Variants in NVL observed in about 807,000 individuals in gnomAD.
NVL encodes the protein nuclear valosin-containing protein-like.
A neutral mutation model predicts 110.2 loss-of-function variants in NVL; 84 were observed. That is an observed-to-expected ratio of 0.76 (90% CI 0.64 to 0.91). The LOEUF is 0.91. NVL is among the 40% of genes least tolerant of loss of function. The pLI is 0.00. For synonymous variants in NVL, 354 were observed against 361.1 expected (o/e 0.98, Z 0.22); for missense variants, 882 against 1,035.9 (o/e 0.85, Z 2.04).
intron 18 of NVL, among the ~76,000 whole-genome samples, chr1:224,261,216 G>C (rs117969617): frequency 6.6e-6 from 1 of 151,608 alleles, no homozygotes; most frequent in Non-Finnish European, 1.5e-5. Flanking sequence ...TTGTTGCCCA[G>C]GCTAATCTTG....
chr1:224,306,338 C>T (rs1043748920), intron 6 of NVL, among the ~76,000 whole-genome samples: 1 of 152,206 alleles, frequency 6.6e-6, no homozygotes, highest in Middle Eastern at 3.4e-3. Flanking sequence ...ACGATCTCAG[C>T]GCACTGCAAG....
At chr1:224,231,125 T>A in intron 22 of NVL, 101 bp downstream of exon 22, 1 of 770,368 alleles carries the variant, frequency 1.3e-6, no homozygotes, top group African/African-American at 1.8e-5. Context: ...AGAGCAAGAC[T>A]CCGTCTCAAA....
intron 2 of NVL, among the ~76,000 whole-genome samples, chr1:224,318,708 G>A (rs112723833): frequency 7.9e-5 from 12 of 151,984 alleles, no homozygotes; most frequent in African/African-American, 2.4e-4. Flanking sequence ...CTGCAGCCAG[G>A]TGCGGTGGCT....
intron 9 of NVL, among the ~76,000 whole-genome samples, chr1:224,301,098 C>A (rs1668357306): frequency 6.8e-6 from 1 of 147,370 alleles, no homozygotes; most frequent in Non-Finnish European, 1.5e-5. Flanking sequence ...AAGAGCAAAA[C>A]TCCATCTCAA....
intron 17 of NVL, among the ~76,000 whole-genome samples, chr1:224,273,188 G>C (rs75295270): frequency 0.04 from 6,134 of 152,152 alleles, 166 homozygotes; most frequent in East Asian, 0.098. Flanking sequence ...CGAGGATGGT[G>C]GATCACTTGA....
chr1:224,260,699 C>CTTT (rs940200696), intron 18 of NVL, among the ~76,000 whole-genome samples: 19 of 126,330 alleles, frequency 1.5e-4, no homozygotes, highest in African/African-American at 3.2e-4. Flanking sequence ...TCTTCTTTTC[C>CTTT]TTTTTTTTTT....
Position 224,296,576 on chromosome 1 carries a change from T to C in NVL, c.1105A>G (p.Ile369Val), listed in dbSNP as rs199859247. 46 of 1,602,276 alleles carry C rather than the reference T, an allele frequency of 2.9e-5. No homozygotes were observed. The East Asian group carries it at 8.3e-4, about 29-fold the overall frequency. ...CIIFIDEIDAITPKREVASKD... is the reference protein window; with the variant it reads ...CIIFIDEIDAVTPKREVASKD... ...GAAGCCACTTCTCTTTTGGGGGTAA[T>C]AGCATCAATTTCATCAATGAAAATG... The change falls in exon 11 of 23, where the codon ATT (isoleucine) becomes GTT (valine). Residue 369 changes from isoleucine to valine, a missense_variant. Ile to Val is a conservative substitution (Grantham distance 29). This residue lies in a region of NVL where 416 missense variants were observed against 499.3 expected (regional missense o/e 0.83). Coordinates refer to ENST00000281701, the MANE Select transcript of NVL (RefSeq NM_002533.4).
At chr1:224,259,252 C>A (rs1558267788) in intron 18 of NVL, among the ~76,000 whole-genome samples, 1 of 152,136 alleles carries the variant, frequency 6.6e-6, no homozygotes, top group Non-Finnish European at 1.5e-5. Flanking sequence ...CCATGCCCTG[C>A]TAAATTTTGT....
At chr1:224,273,980 T>A (rs1008091876) in intron 17 of NVL, among the ~76,000 whole-genome samples, 2 of 151,906 alleles carry the variant, frequency 1.3e-5, no homozygotes, top group South Asian at 4.2e-4. Flanking sequence ...GACTTTTGAA[T>A]GTTTTCGGAG....
chr1:224,234,989 G>T (rs1426035841), intron 20 of NVL, among the ~76,000 whole-genome samples: 5 of 151,916 alleles, frequency 3.3e-5, no homozygotes, highest in Non-Finnish European at 5.9e-5. Flanking sequence ...TTTTTGTAGA[G>T]ATGGGGTCTT....
At chr1:224,280,971 C>T in intron 16 of NVL, 152 bp downstream of exon 16, 1 of 664,882 alleles carries the variant, frequency 1.5e-6, no homozygotes, top group South Asian at 1.8e-5. Context: ...AGTGGCAGAG[C>T]AGAGCAAAGC....
At chr1:224,250,124 T>C (rs963841261) in intron 19 of NVL, 88 bp downstream of exon 19, 1 of 1,336,614 alleles carries the variant, frequency 7.5e-7, no homozygotes, top group African/African-American at 1.5e-5. Context: ...AAGAAAGTAA[T>C]CAGTCAACGA....
intron 12 of NVL, among the ~76,000 whole-genome samples, chr1:224,291,491 G>C (rs906654830): frequency 1.3e-5 from 2 of 152,136 alleles, no homozygotes; most frequent in Non-Finnish European, 2.9e-5. Flanking sequence ...ATAAATTATA[G>C]AAAAATCATT....
At chr1:224,309,702 C>T (rs778726223) in intron 5 of NVL, among the ~76,000 whole-genome samples, 31 of 152,094 alleles carry the variant, frequency 2.0e-4, no homozygotes, top group Non-Finnish European at 3.8e-4. Flanking sequence ...TTAAAAAACA[C>T]AGTACACCAA....
intron 11 of NVL, among the ~76,000 whole-genome samples, chr1:224,294,676 TATA>T (rs1374431045): frequency 6.6e-6 from 1 of 152,104 alleles, no homozygotes; most frequent in Non-Finnish European, 1.5e-5. Flanking sequence ...TTTTGTGAAG[TATA>T]ATAACAGATA....
At chr1:224,239,534 A>C (rs1285141328) in intron 19 of NVL, among the ~76,000 whole-genome samples, 2 of 152,220 alleles carry the variant, frequency 1.3e-5, no homozygotes, top group Non-Finnish European at 2.9e-5. Flanking sequence ...CGACTGTCAC[A>C]CTGTCACATT....
Position 224,237,019 on chromosome 1 carries a change from C to T in NVL, c.2290-437G>A, listed in dbSNP as rs1279642729. Among the ~76,000 whole-genome samples the T allele has an allele frequency of 2.6e-5, 4 of 152,154 alleles. No individual in the cohort carries two copies. In the East Asian group the frequency reaches 7.7e-4, roughly 29 times the overall value. ...GTGCTGTTAAGGTTTATACAAATTT[C>T]AATGTTGAGAAATGAGGCTAAGAAG... is the stretch of plus-strand genomic sequence containing the variant. On this transcript the variant is annotated intron_variant, in intron 19 of 22. Coordinates refer to ENST00000281701, the MANE Select transcript of NVL (RefSeq NM_002533.4).
At chr1:224,262,998 C>A (rs1365074153) in intron 18 of NVL, among the ~76,000 whole-genome samples, 2 of 152,034 alleles carry the variant, frequency 1.3e-5, no homozygotes, top group Non-Finnish European at 2.9e-5. Flanking sequence ...CATAAGATAA[C>A]TAAATCTTCA....
chr1:224,289,165 A>G (rs1221351425), intron 13 of NVL: 2 of 282,804 alleles, frequency 7.1e-6, no homozygotes, highest in South Asian at 4.6e-5. Context: ...GACAACATGT[A>G]TACAAATGAA....
Sources: allele counts gnomAD v4.1 joint callset (sites outside exome capture counted in the v4.1 genomes callset), GRCh38; gene constraint gnomAD v4.1.1; regional missense constraint gnomAD v4.1.1; transcripts MANE v1.5; gene names NCBI Gene and HGNC (gene_info 2026-07-23, HGNC 2026-07-21).